The following ZC3H12B variants were observed in gnomAD, a reference collection of about 807,000 sequenced individuals.
The protein encoded by ZC3H12B is probable ribonuclease ZC3H12B.
In ZC3H12B, 7 loss-of-function variants were observed where a neutral mutation model predicts 43.9. That is an observed-to-expected ratio of 0.16 (90% CI 0.09 to 0.30). The LOEUF is 0.30. Ranked by LOEUF, ZC3H12B falls within the 10% of genes least tolerant of loss-of-function variation. The probability of loss-of-function intolerance (pLI) is 1.00; values close to 1 mark genes in which losing one functional copy is unlikely to be tolerated. For synonymous variants in ZC3H12B, 222 were observed against 241.7 expected (o/e 0.92, Z 0.76); for missense variants, 475 against 670.2 (o/e 0.71, Z 3.22).
At chrX:65,311,235 G>T in the ZC3H12B span, among the ~76,000 whole-genome samples, 1 of 111,555 alleles carries the variant, frequency 9.0e-6, no homozygotes, top group Non-Finnish European at 1.9e-5. Flanking sequence ...GAAAATTTTT[G>T]CAATCCACCC....
At chrX:65,227,466 A>C in the ZC3H12B span, among the ~76,000 whole-genome samples, 1 of 111,009 alleles carries the variant, frequency 9.0e-6, no homozygotes, top group African/African-American at 3.3e-5. Flanking sequence ...CATCACAATT[A>C]AAAGAACTAG....
intron 3 of ZC3H12B, among the ~76,000 whole-genome samples, chrX:65,414,090 C>T (rs1363414982): frequency 9.0e-6 from 1 of 111,268 alleles, no homozygotes; most frequent in Non-Finnish European, 1.9e-5. Flanking sequence ...TGGTGTGTAA[C>T]CCTTTTATTA....
At chrX:65,122,981 C>G in the ZC3H12B span, among the ~76,000 whole-genome samples, 1 of 111,854 alleles carries the variant, frequency 8.9e-6, no homozygotes, top group African/African-American at 3.2e-5. Context: ...ATCAACAAGA[C>G]AGAAAGTTAA....
chrX:65,504,988 A>G (rs1377790344), exon 5 of ZC3H12B: 1 of 112,931 alleles, frequency 8.9e-6, no homozygotes, highest in African/African-American at 3.2e-5. Flanking sequence ...ATGAGTTATT[A>G]GAAGGCAGGA....
chrX:65,080,159 C>T, the ZC3H12B span, among the ~76,000 whole-genome samples: 1 of 100,280 alleles, frequency 1.0e-5, no homozygotes, highest in African/African-American at 3.7e-5. Context: ...TGAAGACAGG[C>T]TATTTGAAAG....
chrX:65,198,509 T>TA, the ZC3H12B span, among the ~76,000 whole-genome samples: 1 of 112,075 alleles, frequency 8.9e-6, no homozygotes, highest in African/African-American at 3.2e-5. Flanking sequence ...TTTTGGTGCA[T>TA]ATACTATTCT....
intron 2 of ZC3H12B, among the ~76,000 whole-genome samples, chrX:65,388,750 G>A (rs776829206): frequency 9.0e-6 from 1 of 111,526 alleles, no homozygotes; most frequent in East Asian, 2.8e-4. Flanking sequence ...TTTCTGCTCT[G>A]TTTTTTCCCC....
the ZC3H12B span, among the ~76,000 whole-genome samples, chrX:65,222,306 C>T: frequency 9.0e-6 from 1 of 110,850 alleles, no homozygotes; most frequent in South Asian, 3.8e-4. Context: ...AGGATGTTCA[C>T]TTTTGCCACT....
chrX:65,393,741 T>C (rs1447697004), intron 2 of ZC3H12B, among the ~76,000 whole-genome samples: 6 of 112,130 alleles, frequency 5.4e-5, no homozygotes, highest in Admixed American at 9.4e-5. Flanking sequence ...GGTCACATGG[T>C]ATTTCTGGTT....
At chrX:65,217,950 A>T in the ZC3H12B span, among the ~76,000 whole-genome samples, 2 of 112,293 alleles carry the variant, frequency 1.8e-5, no homozygotes, top group Admixed American at 1.9e-4. Flanking sequence ...GATACCAGAA[A>T]GTCAAGAAAC....
At chrX:65,357,847 A>T in the ZC3H12B span, among the ~76,000 whole-genome samples, 3 of 111,579 alleles carry the variant, frequency 2.7e-5, no homozygotes, top group Non-Finnish European at 5.6e-5. Context: ...TAACAATATT[A>T]ACCTTAAGTG....
the ZC3H12B span, among the ~76,000 whole-genome samples, chrX:65,146,162 G>A: frequency 8.2e-5 from 9 of 110,055 alleles, no homozygotes; most frequent in Non-Finnish European, 1.5e-4. Context: ...GGGTTTTGGG[G>A]GTCTTTGTTC....
chrX:65,359,836 A>G, the ZC3H12B span, among the ~76,000 whole-genome samples: 14 of 112,263 alleles, frequency 1.2e-4, no homozygotes, highest in African/African-American at 4.5e-4. Context: ...TGAAAGAAGT[A>G]CTGCTGTGGA....
At chrX:65,438,129 G>A (rs1366623522) in intron 3 of ZC3H12B, among the ~76,000 whole-genome samples, 1 of 111,945 alleles carries the variant, frequency 8.9e-6, no homozygotes, top group African/African-American at 3.2e-5. Flanking sequence ...ATATAGCTCT[G>A]TAGTATATTT....
chrX:65,349,341 A>T, the ZC3H12B span, among the ~76,000 whole-genome samples: 11 of 112,228 alleles, frequency 9.8e-5, no homozygotes, highest in Non-Finnish European at 2.1e-4. Flanking sequence ...ACAGTGTACC[A>T]GAATCTCAGA....
chrX:65,247,096 A>G, the ZC3H12B span, among the ~76,000 whole-genome samples: 3 of 106,523 alleles, frequency 2.8e-5, no homozygotes, highest in Non-Finnish European at 5.6e-5. Flanking sequence ...AAGAACACCA[A>G]CAGACACTTC....
chrX:65,205,820 G>A, the ZC3H12B span, among the ~76,000 whole-genome samples: 3 of 111,793 alleles, frequency 2.7e-5, no homozygotes, highest in African/African-American at 9.7e-5. Context: ...ATTCAGCAAA[G>A]TTTCTGCATA....
At chrX:65,500,419 GTTTT>G (rs1353908597) in intron 4 of ZC3H12B, among the ~76,000 whole-genome samples, 2 of 111,846 alleles carry the variant, frequency 1.8e-5, no homozygotes, top group Non-Finnish European at 3.8e-5. Flanking sequence ...GTCCTTTCCA[GTTTT>G]TTTGTTTGTT....
exon 5 of ZC3H12B, chrX:65,504,717 T>A (rs184817601): frequency 8.9e-6 from 1 of 112,951 alleles, no homozygotes; most frequent in East Asian, 2.8e-4. Context: ...ACTTCTGACC[T>A]ATGCAGTATT....
Sources: allele counts gnomAD v4.1 joint callset (sites outside exome capture counted in the v4.1 genomes callset), GRCh38; gene constraint gnomAD v4.1.1; transcripts MANE v1.5; gene names NCBI Gene and HGNC (gene_info 2026-07-23, HGNC 2026-07-21).